The following SORCS1 variants were observed in gnomAD, a reference collection of about 807,000 sequenced individuals.
The protein encoded by SORCS1 is VPS10 domain-containing receptor SorCS1.
Under a neutral mutation model 146.1 loss-of-function variants are expected in SORCS1, and 60 were observed. The observed-to-expected ratio is 0.41, with a 90% confidence interval of 0.33 to 0.51. The LOEUF (loss-of-function observed/expected upper bound fraction) is 0.51. SORCS1 is among the 20% of genes least tolerant of loss of function. SORCS1 has a pLI of 0.21. For missense variants in SORCS1, 1,352 were observed against 1,487.6 expected (o/e 0.91, Z 1.50); for synonymous variants, 637 against 584.0 (o/e 1.09, Z -1.31).
chr10:106,681,055 C>T (rs1295520842), intron 10 of SORCS1, among the ~76,000 whole-genome samples: 1 of 151,850 alleles, frequency 6.6e-6, no homozygotes, highest in Non-Finnish European at 1.5e-5. Context: ...GTAAAGCTTT[C>T]AAAAAAAGGA....
At chr10:106,898,394 G>T (rs959938603) in intron 2 of SORCS1, among the ~76,000 whole-genome samples, 4 of 152,240 alleles carry the variant, frequency 2.6e-5, no homozygotes, top group African/African-American at 9.6e-5. Context: ...CTTCTGCTGG[G>T]CTTTCTATGC....
intron 1 of SORCS1, among the ~76,000 whole-genome samples, chr10:107,103,023 C>T (rs943025132): frequency 6.6e-6 from 1 of 152,140 alleles, no homozygotes; most frequent in Non-Finnish European, 1.5e-5. Context: ...TCGTTCTACC[C>T]CCATACCTTT....
At chr10:107,122,277 C>T (rs1373296456) in intron 1 of SORCS1, among the ~76,000 whole-genome samples, 1 of 152,216 alleles carries the variant, frequency 6.6e-6, no homozygotes, top group East Asian at 1.9e-4. Flanking sequence ...TGTACTATTT[C>T]TTCCATGTAC....
intron 1 of SORCS1, among the ~76,000 whole-genome samples, chr10:107,149,527 T>TA (rs1450049981): frequency 3.3e-5 from 5 of 152,022 alleles, no homozygotes; most frequent in African/African-American, 9.7e-5. Flanking sequence ...GAATAACCAA[T>TA]AAAAAAATCC....
chr10:107,005,501 TGAAA>T (rs1214732761), intron 1 of SORCS1, among the ~76,000 whole-genome samples: 3 of 152,188 alleles, frequency 2.0e-5, no homozygotes, highest in South Asian at 2.1e-4. Flanking sequence ...AAATTTTAAC[TGAAA>T]GACAGGAATT....
At chr10:107,154,671 C>G (rs529397248) in intron 1 of SORCS1, among the ~76,000 whole-genome samples, 90 of 152,054 alleles carry the variant, frequency 5.9e-4, no homozygotes, top group African/African-American at 1.9e-3. Flanking sequence ...AGAACTGGAC[C>G]GAGAGAACCT....
At chr10:106,792,668 A>G (rs951907693) in intron 3 of SORCS1, among the ~76,000 whole-genome samples, 1 of 152,268 alleles carries the variant, frequency 6.6e-6, no homozygotes, top group Non-Finnish European at 1.5e-5. Context: ...ACGGGCTTAT[A>G]GAGTAACTAA....
intron 9 of SORCS1, among the ~76,000 whole-genome samples, chr10:106,696,257 T>C (rs1305985018): frequency 6.6e-6 from 1 of 152,248 alleles, no homozygotes; most frequent in Non-Finnish European, 1.5e-5. Flanking sequence ...TGCTCCTTAG[T>C]AATTCATTTA....
intron 1 of SORCS1, among the ~76,000 whole-genome samples, chr10:107,092,883 GA>G (rs34184443): frequency 0.093 from 5,739 of 61,514 alleles, 110 homozygotes; most frequent in South Asian, 0.16. Context: ...AGAAGACCAT[GA>G]AAAAAAAAAA....
chr10:107,126,790 T>G (rs1008143229), intron 1 of SORCS1, among the ~76,000 whole-genome samples: 1 of 152,060 alleles, frequency 6.6e-6, no homozygotes, highest in Non-Finnish European at 1.5e-5. Flanking sequence ...ATCTGTGACC[T>G]CAACATAATT....
At chr10:106,818,308 A>G (rs931084472) in intron 3 of SORCS1, among the ~76,000 whole-genome samples, 1 of 152,052 alleles carries the variant, frequency 6.6e-6, no homozygotes, top group African/African-American at 2.4e-5. Context: ...AAGAAAGTTT[A>G]TTGCACCTGA....
At chr10:106,703,680 G>A (rs956100178) in intron 8 of SORCS1, among the ~76,000 whole-genome samples, 1 of 152,176 alleles carries the variant, frequency 6.6e-6, no homozygotes, top group East Asian at 1.9e-4. Flanking sequence ...GTGCTGGTTT[G>A]TCTCAATTCC....
intron 3 of SORCS1, among the ~76,000 whole-genome samples, chr10:106,802,260 G>A (rs188854901): frequency 6.6e-6 from 1 of 152,200 alleles, no homozygotes. Context: ...GGTGAGCCTG[G>A]CTTCAGGGAA....
chr10:106,953,611 T>C (rs1276682178), intron 2 of SORCS1, among the ~76,000 whole-genome samples: 3 of 152,076 alleles, frequency 2.0e-5, no homozygotes, highest in Non-Finnish European at 2.9e-5. Flanking sequence ...TGTGTGAACA[T>C]AATACAGTAT....
At chr10:106,926,850 CACACACACACACACACAG>C (rs1589721913) in intron 2 of SORCS1, among the ~76,000 whole-genome samples, 75 of 128,942 alleles carry the variant, frequency 5.8e-4, no homozygotes, top group Middle Eastern at 3.7e-3. Flanking sequence ...CACACACACA[CACACACACACACACACAG>C]AGAGAGAGAG....
intron 1 of SORCS1, among the ~76,000 whole-genome samples, chr10:106,967,908 A>G (rs1955575701): frequency 6.6e-6 from 1 of 152,054 alleles, no homozygotes; most frequent in African/African-American, 2.4e-5. Flanking sequence ...CTATTAAAAA[A>G]AAAAAGACAA....
intron 24 of SORCS1, among the ~76,000 whole-genome samples, chr10:106,590,392 G>A (rs1195336336): frequency 6.6e-6 from 1 of 152,026 alleles, no homozygotes; most frequent in Non-Finnish European, 1.5e-5. Context: ...ATAAACTATA[G>A]GTTTAAAGGA....
chr10:106,580,822 T>C (rs879491794), intron 24 of SORCS1, among the ~76,000 whole-genome samples: 5 of 152,202 alleles, frequency 3.3e-5, no homozygotes, highest in African/African-American at 7.2e-5. Context: ...TCTAACCACA[T>C]AGTTTTGGTG....
rs1844619576 is a variant in SORCS1, at chr10:106,577,203, T to C, written c.*217A>G. 6.5e-7 allele frequency: 1 copy of C among 1,537,224 alleles called. No individual in the cohort carries two copies. The highest frequency in any genetic ancestry group is 1.4e-5 in the African/African-American group (1 of 72,334). On this transcript the variant is annotated 3_prime_UTR_variant, in exon 26 of 26. Transcript: ENST00000263054. ...TTTGTTTTGTTTTTGTTTTTGTTTT[T>C]TTACTGGCGTCCTCCATTCAAACAT...
Sources: allele counts gnomAD v4.1 joint callset (sites outside exome capture counted in the v4.1 genomes callset), GRCh38; gene constraint gnomAD v4.1.1; transcripts MANE v1.5; gene names NCBI Gene and HGNC (gene_info 2026-07-23, HGNC 2026-07-21).